The following AQR variants were observed in gnomAD, a reference collection of about 807,000 sequenced individuals.
The protein encoded by AQR is aquarius intron-binding spliceosomal factor, also known as RNA helicase aquarius.
A neutral mutation model predicts 180.5 loss-of-function variants in AQR; 61 were observed. That is an observed-to-expected ratio of 0.34 (90% CI 0.28 to 0.42). The LOEUF (loss-of-function observed/expected upper bound fraction) is 0.42, where lower values mean the gene tolerates loss of function less well. Among genes scored for constraint, AQR ranks in the 10% least tolerant of loss-of-function variants. The pLI is 1.00. For missense variants in AQR, 1,281 were observed against 1,798.3 expected, an observed-to-expected ratio of 0.71 and a Z score of 5.20; for synonymous variants, 551 against 588.8, an observed-to-expected ratio of 0.94 and a Z score of 0.93.
chr15:34,874,719 A>G lies in AQR; in HGVS notation c.3383T>C (p.Val1128Ala). 6.2e-7 allele frequency: 1 copy of G among 1,613,612 alleles called. No individual in the cohort carries two copies. The highest frequency in any genetic ancestry group is 8.5e-7 in the Non-Finnish European group (1 of 1,179,744). ...SLFTRFVRVG[V>A]PTVDLDAQGR... is the part of the protein sequence containing the mutation. Reference sequence around the variant, plus strand: ...TTGAGCATCAAGGTCAACAGTCGGAACTCCAACGCGAACAAAGCGAGTGAA... The same window carrying G: ...TTGAGCATCAAGGTCAACAGTCGGAGCTCCAACGCGAACAAAGCGAGTGAA... Residue 1128 changes from valine to alanine, a missense_variant, in exon 29 of 35, where the codon GTT becomes GCT. Physicochemically the swap from Val to Ala is moderately conservative, Grantham distance 64. Coordinates refer to ENST00000156471, the MANE Select transcript of AQR (RefSeq NM_014691.3).
rs140437367 is a variant in AQR, at chr15:34,946,220, G to C, written c.331-1792C>G. ...TGGGAGGCAGATGTTGCAGTGAGCT[G>C]AGATCACGCCATTTGCACTCCAGCC... On this transcript the variant is annotated intron_variant, in intron 5 of 34. Transcript: ENST00000156471. 5.2e-4 allele frequency among the ~76,000 whole-genome samples: 79 copies of C among 152,316 alleles called. 2 individuals are homozygous for C. The East Asian group carries it at 6.4e-3, about 12-fold the overall frequency.
intron 3 of AQR, among the ~76,000 whole-genome samples, chr15:34,953,361 C>A (rs185684462): frequency 1.6e-4 from 25 of 152,128 alleles, no homozygotes; most frequent in Non-Finnish European, 3.4e-4. Flanking sequence ...TTACGCTGTC[C>A]CGAAGCAGAC....
At chr15:34,919,187 C>T (rs749714381) in intron 14 of AQR, among the ~76,000 whole-genome samples, 2 of 149,402 alleles carry the variant, frequency 1.3e-5, no homozygotes, top group South Asian at 2.1e-4. Context: ...TGCAGTGAAC[C>T]GAGATTGCAC....
At position 34,920,962 on chromosome 15, in the gene AQR, A is replaced by C. The variant is rs546891540; in HGVS notation, c.1119-528T>G. 9.2e-5 allele frequency among the ~76,000 whole-genome samples: 14 copies of C among 152,188 alleles called. No homozygotes were observed. The South Asian group carries it at 2.9e-3, about 32-fold the overall frequency. On this transcript the variant is annotated intron_variant, in intron 13 of 34. Coordinates refer to ENST00000156471, the MANE Select transcript of AQR (RefSeq NM_014691.3). ...GACAAAGCGAGACTCCGTCTCAAAA[A>C]TAATAACAATAATAATAACAATACT...
At chr15:34,923,835 G>A (rs1893716846) in intron 13 of AQR, among the ~76,000 whole-genome samples, 6 of 152,112 alleles carry the variant, frequency 3.9e-5, no homozygotes, top group Admixed American at 3.9e-4. Flanking sequence ...TTTACTGCAA[G>A]TTTTGAAATT....
chr15:34,950,591 CA>C (rs1566790133), intron 4 of AQR, among the ~76,000 whole-genome samples: 1 of 151,250 alleles, frequency 6.6e-6, no homozygotes, highest in African/African-American at 2.4e-5. Context: ...TTCTTTCTCA[CA>C]TATTATATTT....
intron 27 of AQR, among the ~76,000 whole-genome samples, chr15:34,878,446 G>A (rs896197730): frequency 1.4e-5 from 2 of 141,942 alleles, no homozygotes; most frequent in South Asian, 2.2e-4. Context: ...TTGTGAAGAA[G>A]AGAAATAAAT....
intron 14 of AQR, 31 bp from the exon 15 acceptor site, chr15:34,918,409 G>T: frequency 6.3e-7 from 1 of 1,593,464 alleles, no homozygotes; most frequent in Non-Finnish European, 8.5e-7. Context: ...TCATGCAGAA[G>T]GTTAGAAGCA....
At chr15:34,938,679 TACCATAGGGGC>T in intron 9 of AQR, 47 bp downstream of exon 9, 1 of 1,105,178 alleles carries the variant, frequency 9.0e-7, no homozygotes, top group Non-Finnish European at 1.4e-6. Flanking sequence ...GATGAGTAAA[TACCATAGGGGC>T]AGCTATATGA....
intron 4 of AQR, among the ~76,000 whole-genome samples, chr15:34,952,048 C>T (rs998973533): frequency 6.6e-6 from 1 of 152,154 alleles, no homozygotes; most frequent in South Asian, 2.1e-4. Flanking sequence ...TCTAGAAAAA[C>T]GATAAGACCA....
At chr15:34,907,739 C>CT (rs1893440006) in intron 17 of AQR, among the ~76,000 whole-genome samples, 1 of 152,178 alleles carries the variant, frequency 6.6e-6, no homozygotes. Flanking sequence ...ATCCTACTCT[C>CT]TGAGTTGTAC....
rs1892576639 is a variant in AQR at position 34,855,546 on chromosome 15, T to C, written c.*1246A>G. 1 of 150,956 alleles carries C rather than the reference T, an allele frequency of 6.6e-6. No individual in the cohort carries two copies. 9.4% of individuals were successfully genotyped at this position (150,956 alleles called of 1,614,324 possible). On this transcript the variant is annotated 3_prime_UTR_variant, in exon 35 of 35. Coordinates refer to ENST00000156471, the MANE Select transcript of AQR (RefSeq NM_014691.3). Reference sequence around the variant, plus strand: ...AAACATTTCCTTTTTTTTTTTTTTTTTTCCAGTTCTGGGCACCATGCCCAG... The same window carrying C: ...AAACATTTCCTTTTTTTTTTTTTTTCTTCCAGTTCTGGGCACCATGCCCAG...
In AQR at chr15:34,856,394, G is replaced by A. The variant is rs756083184; in HGVS notation, c.*398C>T. 9 of 396,832 alleles carry A rather than the reference G, an allele frequency of 2.3e-5. No individual in the cohort carries two copies. Among genetic ancestry groups the A allele is most frequent in the African/African-American group, 1.9e-4 (9 of 48,592 alleles). 24.6% of individuals were successfully genotyped at this position (396,832 alleles called of 1,614,324 possible). Reference sequence around the variant, plus strand: ...AATTTAAGCATTTGATAGTATAACAGAAGAAACAAGTTCCTTCCCAATTTG... The same window carrying A: ...AATTTAAGCATTTGATAGTATAACAAAAGAAACAAGTTCCTTCCCAATTTG... On this transcript the variant is annotated 3_prime_UTR_variant, in exon 35 of 35. Transcript: ENST00000156471.
chr15:34,911,496 A>G (rs888329977), intron 16 of AQR, among the ~76,000 whole-genome samples: 1 of 152,124 alleles, frequency 6.6e-6, no homozygotes, highest in Non-Finnish European at 1.5e-5. Context: ...AACAGGTGTG[A>G]GGTTTGAATA....
chr15:34,891,624 A>G (rs1360770812), intron 23 of AQR, among the ~76,000 whole-genome samples: 1 of 152,212 alleles, frequency 6.6e-6, no homozygotes, highest in African/African-American at 2.4e-5. Flanking sequence ...GGATAACTGT[A>G]GAAAGCCATA....
chr15:34,930,919 C>T (rs1315851611), intron 11 of AQR, among the ~76,000 whole-genome samples: 1 of 149,184 alleles, frequency 6.7e-6, no homozygotes, highest in Admixed American at 6.8e-5. Flanking sequence ...TCACTGCAAG[C>T]TCCGCCTCCC....
At position 34,938,781 on chromosome 15, in the gene AQR, A is replaced by T; in HGVS notation, c.674T>A (p.Leu225His). Residue 225 changes from leucine to histidine, a missense_variant, in exon 9 of 35, where the codon CTC becomes CAC. Coordinates refer to ENST00000156471, the MANE Select transcript of AQR (RefSeq NM_014691.3). ...AYQERRFLSQ[L>H]IQKFISVLKS... ...CAGCACAGAGATAAACTTCTGGATG[A>T]GTTGTGAAAGAAATCTCCTCTCTTG... The T allele has an allele frequency of 6.2e-7, 1 of 1,609,660 alleles. No individual in the cohort carries two copies. The highest frequency in any genetic ancestry group is 8.5e-7 in the Non-Finnish European group (1 of 1,176,892).
intron 34 of AQR, among the ~76,000 whole-genome samples, chr15:34,859,498 A>G (rs1647803115): frequency 6.6e-6 from 1 of 152,214 alleles, no homozygotes; most frequent in Non-Finnish European, 1.5e-5. Context: ...AGCTTCTTAA[A>G]AAGTTAAACA....
chr15:34,948,563 G>T (rs1457962482), intron 4 of AQR, among the ~76,000 whole-genome samples, 179 bp from the exon 5 acceptor site: 4 of 152,038 alleles, frequency 2.6e-5, no homozygotes, highest in Admixed American at 2.6e-4. Context: ...CAGCACTTTG[G>T]GAGGCCGAGA....
Sources: gnomAD v4.1 joint callset for allele counts (sites outside exome capture counted in the v4.1 genomes callset) on GRCh38, gnomAD v4.1.1 for gene constraint, MANE v1.5 for transcripts, NCBI Gene and HGNC (gene_info 2026-07-23, HGNC 2026-07-21) for gene names.